DPPA5: variants seen among roughly 807,000 people sequenced by gnomAD.
DPPA5 encodes the protein developmental pluripotency-associated 5 protein.
A neutral mutation model predicts 11.3 loss-of-function variants in DPPA5; 11 were observed. The ratio of observed to expected loss-of-function variants is 0.97; its 90% CI spans 0.61 to 1.61. The LOEUF is 1.61. Among genes scored for constraint, DPPA5 ranks in the 40% most tolerant of loss-of-function variants. DPPA5 has a pLI of 0.00. For missense variants in DPPA5, 132 were observed against 151.8 expected, an observed-to-expected ratio of 0.87 and a Z score of 0.68; for synonymous variants, 53 against 59.2, an observed-to-expected ratio of 0.90 and a Z score of 0.48.
chr6:73,354,114 C>A lies in DPPA5; in HGVS notation c.112G>T (p.Gly38Cys), dbSNP rs752529165. ...GCCCGCCAGTACTGGGCACACTCAC[C>A]GAAAATGGCTTTCAGCAGCCGCGTC... ...VQTRLLKAIF[G>C]PDGSRIPYIE... The change falls in exon 1 of 3, where the codon GGC (glycine) becomes TGC (cysteine). Residue 38 changes from glycine (G) to cysteine (C), a missense_variant and splice_region_variant. Physicochemically the swap from Gly to Cys is radical, Grantham distance 159 (BLOSUM62 -3). Transcript: ENST00000370370. 13 of 1,614,144 alleles carry A rather than the reference C, an allele frequency of 8.1e-6. No individual in the cohort carries two copies. Among genetic ancestry groups the A allele is most frequent in the Middle Eastern group, 3.3e-4 (2 of 6,062 alleles).
In DPPA5 at chr6:73,353,216, C is replaced by A. The variant is rs1213414629; in HGVS notation, c.*104G>T. 1.4e-6 allele frequency: 2 copies of A among 1,440,644 alleles called. No homozygotes were observed. The highest frequency in any genetic ancestry group is 2.8e-5 in the African/African-American group (2 of 71,312). The allele number at this position is 1,440,644 out of a possible 1,614,324, so 89.2% of individuals were successfully genotyped here. On this transcript the variant is annotated 3_prime_UTR_variant, in exon 3 of 3. Transcript: ENST00000370370. ...GGGAACAAATGGTTTTCCCTTAACT[C>A]TTTAGGCTGGAGCAGATTTTAAAAC... is the stretch of plus-strand genomic sequence containing the variant.
rs1562272273 is a variant in DPPA5 at position 73,354,180 on chromosome 6, C to A, written c.46G>T (p.Val16Phe). Residue 16 changes from valine (V) to phenylalanine (F), a missense_variant, in exon 1 of 3, where the codon GTT (valine) becomes TTT (phenylalanine). Val to Phe is a conservative substitution (Grantham distance 50). Transcript: ENST00000370370. ...TCTGGATCTTTCAGGTCTTCGGGAA[C>A]TTTCACCCACGGCGGGATATGTCTA... ...ARRHIPPWVK[V>F]PEDLKDPEVF... 1.2e-6 allele frequency: 2 copies of A among 1,614,214 alleles called. No individual in the cohort carries two copies. The highest frequency in any genetic ancestry group is 2.2e-5 in the East Asian group (1 of 44,872).
intron 2 of DPPA5, 84 bp downstream of exon 2, chr6:73,353,769 G>A: frequency 1.3e-6 from 2 of 1,495,540 alleles, no homozygotes; most frequent in Non-Finnish European, 1.8e-6. Flanking sequence ...AGCAAGAGAG[G>A]AGAAAGAGGA....
rs1768737457 is a variant in DPPA5, at chr6:73,354,196, G to A, written c.30C>T (p.Ile10=). MGTLPARRH[I]PPWVKVPEDL... Reference sequence around the variant, plus strand: ...CTTCGGGAACTTTCACCCACGGCGGGATATGTCTACGTGCCGGGAGAGTTC... The same window carrying A: ...CTTCGGGAACTTTCACCCACGGCGGAATATGTCTACGTGCCGGGAGAGTTC... Residue 10 remains isoleucine (I), a synonymous_variant, in exon 1 of 3, where the codon ATC becomes ATT. Transcript: ENST00000370370. 1 of 1,614,248 alleles carries A rather than the reference G, an allele frequency of 6.2e-7. No individual in the cohort carries two copies. The highest frequency in any genetic ancestry group is 8.5e-7 in the Non-Finnish European group (1 of 1,180,046).
In DPPA5 at chr6:73,354,083, G is replaced by A. The variant is rs374024571; in HGVS notation, c.112+31C>T. 10 of 1,613,738 alleles carry A rather than the reference G, an allele frequency of 6.2e-6. No individual in the cohort carries two copies. In the African/African-American group the frequency reaches 9.3e-5, roughly 15 times the overall value. Reference sequence around the variant, plus strand: ...CCGGGCCGGCTGAGACTCCCGAGCCGGGGCAGCCCGCCAGTACTGGGCACA... The same window carrying A: ...CCGGGCCGGCTGAGACTCCCGAGCCAGGGCAGCCCGCCAGTACTGGGCACA... On this transcript the variant is annotated intron_variant, in intron 1 of 2. Coordinates refer to ENST00000370370, the MANE Select transcript of DPPA5 (RefSeq NM_001025290.3).
intron 2 of DPPA5, 76 bp downstream of exon 2, chr6:73,353,777 G>A: frequency 6.6e-7 from 1 of 1,520,440 alleles, no homozygotes; most frequent in Non-Finnish European, 8.8e-7. Flanking sequence ...AGGAGAAAGA[G>A]GAGAGGGCTG....
rs1252349128 is a variant in DPPA5, at chr6:73,354,135, G to T, written c.91C>A (p.Arg31=). 1 of 1,614,198 alleles carries T rather than the reference G, an allele frequency of 6.2e-7. No homozygotes were observed. The highest frequency in any genetic ancestry group is 8.5e-7 in the Non-Finnish European group (1 of 1,180,044). ...KDPEVFQVQT[R]LLKAIFGPDG... is the part of the protein sequence containing the mutation. ...TCACCGAAAATGGCTTTCAGCAGCC[G>T]CGTCTGGACCTGGAACACCTCTGGA... The change falls in exon 1 of 3, where the codon CGG becomes AGG. Residue 31 remains arginine, a synonymous_variant. Coordinates refer to ENST00000370370, the MANE Select transcript of DPPA5 (RefSeq NM_001025290.3).
rs375979745 is a variant in DPPA5, at chr6:73,354,276, C to T, written c.-51G>A. 2.8e-4 allele frequency: 444 copies of T among 1,586,138 alleles called. 1 individual carries two copies. The Middle Eastern group carries it at 3.0e-3, about 11-fold the overall frequency. On this transcript the variant is annotated 5_prime_UTR_variant, in exon 1 of 3. Coordinates refer to ENST00000370370, the MANE Select transcript of DPPA5 (RefSeq NM_001025290.3). Reference sequence around the variant, plus strand: ...CTCTCCAGCGCAAACCAGGCCTAATCACGCCGGCCGAGGCTCAGGGGCGAT... The same window carrying T: ...CTCTCCAGCGCAAACCAGGCCTAATTACGCCGGCCGAGGCTCAGGGGCGAT...
At position 73,353,752 on chromosome 6, in the gene DPPA5, G is replaced by C. The variant is rs1057423359; in HGVS notation, c.292+101C>G. On this transcript the variant is annotated intron_variant, in intron 2 of 2. Transcript: ENST00000370370. ...CACCCCTGGTGACGCCCAAGGTGCT[G>C]GCAGCGAGCAAGAGAGGAGAAAGAG... The C allele has an allele frequency of 1.8e-5, 26 of 1,431,098 alleles. No homozygotes were observed. The African/African-American group carries it at 2.9e-4, about 16-fold the overall frequency. 88.6% of individuals were successfully genotyped at this position (1,431,098 alleles called of 1,614,324 possible).
rs774064430 is a variant in DPPA5, at chr6:73,354,016, T to A, written c.129A>T (p.Arg43=). 6.2e-7 allele frequency: 1 copy of A among 1,613,976 alleles called. No homozygotes were observed. Among genetic ancestry groups the A allele is most frequent in the South Asian group, 1.1e-5 (1 of 91,082 alleles). ...LKAIFGPDGS[R]IPYIEQVSKA... is the part of the protein sequence containing the mutation. ...TGCTCACCTGCTCGATGTAAGGGAT[T>A]CGAGATCCGTCCGGGCCTGTTGGGG... Residue 43 remains arginine (R), a synonymous_variant, in exon 2 of 3, where the codon CGA becomes CGT. Coordinates refer to ENST00000370370, the MANE Select transcript of DPPA5 (RefSeq NM_001025290.3).
At chr6:73,353,524 G>T (rs1768721602) in intron 2 of DPPA5, 146 bp from the exon 3 acceptor site, 13 of 911,886 alleles carry the variant, frequency 1.4e-5, no homozygotes, top group Non-Finnish European at 1.8e-5. Flanking sequence ...CTTGGAACCC[G>T]AGACTACTCG....
Position 73,354,003 on chromosome 6 carries a change from C to T in DPPA5, c.142G>A (p.Glu48Lys), listed in dbSNP as rs192662793. ...TCGAGCATGGCCTTGCTCACCTGCT[C>T]GATGTAAGGGATTCGAGATCCGTCC... is the stretch of plus-strand genomic sequence containing the variant. ...GPDGSRIPYI[E>K]QVSKAMLELK... The change falls in exon 2 of 3, where the codon GAG (glutamate) becomes AAG (lysine). Residue 48 changes from glutamate to lysine, a missense_variant. Transcript: ENST00000370370. 6.2e-7 allele frequency: 1 copy of T among 1,614,024 alleles called. No individual in the cohort carries two copies. Among genetic ancestry groups the T allele is most frequent in the African/African-American group, 1.3e-5 (1 of 75,006 alleles).
Position 73,353,910 on chromosome 6 carries a change from G to C in DPPA5, c.235C>G (p.Arg79Gly). 6.2e-7 allele frequency: 1 copy of C among 1,614,094 alleles called. No individual in the cohort carries two copies. Among genetic ancestry groups the C allele is most frequent in the Non-Finnish European group, 8.5e-7 (1 of 1,179,994 alleles). Residue 79 changes from arginine to glycine, a missense_variant, in exon 2 of 3, where the codon CGG becomes GGG. By Grantham distance (125) the Arg-to-Gly change is moderately radical. Coordinates refer to ENST00000370370, the MANE Select transcript of DPPA5 (RefSeq NM_001025290.3). The part of the protein sequence containing the change: ...VVYGSYLYKL[R>G]TKWMLQSMAE... ...ATGGACTGGAGCATCCACTTGGTCC[G>C]GAGCTTGTACAAATAGGAGCCGTAA...
Position 73,353,175 on chromosome 6 carries a change from T to C in DPPA5, c.*145A>G. On this transcript the variant is annotated 3_prime_UTR_variant, in exon 3 of 3. Transcript: ENST00000370370. Reference sequence around the variant, plus strand: ...CAACAAGACTCAGAGCCAAGGGTTTTCCCTTAACTCTTTAAGGGAACAAAT... The same window carrying C: ...CAACAAGACTCAGAGCCAAGGGTTTCCCCTTAACTCTTTAAGGGAACAAAT... 1 of 858,426 alleles carries C rather than the reference T, an allele frequency of 1.2e-6. No individual in the cohort carries two copies. Among genetic ancestry groups the C allele is most frequent in the Non-Finnish European group, 1.8e-6 (1 of 542,350 alleles). The allele number at this position is 858,426 out of a possible 1,614,324, so 53.2% of individuals were successfully genotyped here. A position where few individuals can be genotyped will look rare whatever the true frequency, so the allele number is the denominator to read the frequency against.
Position 73,353,169 on chromosome 6 carries a change from G to A in DPPA5, c.*151C>T. The A allele has an allele frequency of 3.8e-6, 3 of 794,688 alleles. No individual in the cohort carries two copies. Among genetic ancestry groups the A allele is most frequent in the Middle Eastern group, 2.4e-4 (1 of 4,222 alleles). The allele number at this position is 794,688 out of a possible 1,614,324, so 49.2% of individuals were successfully genotyped here. A position where few individuals can be genotyped will look rare whatever the true frequency, so the allele number is the denominator to read the frequency against. ...TATTCACAACAAGACTCAGAGCCAA[G>A]GGTTTTCCCTTAACTCTTTAAGGGA... On this transcript the variant is annotated 3_prime_UTR_variant, in exon 3 of 3. Coordinates refer to ENST00000370370, the MANE Select transcript of DPPA5 (RefSeq NM_001025290.3).
At position 73,353,308 on chromosome 6, in the gene DPPA5, C is replaced by T. The variant is rs200196148; in HGVS notation, c.*12G>A. The T allele has an allele frequency of 5.4e-4, 875 of 1,614,112 alleles. 1 individual carries two copies. The highest frequency in any genetic ancestry group is 6.8e-4 in the Non-Finnish European group (808 of 1,180,022). The stretch of plus-strand genomic sequence containing the variant: ...CTGCAACCCGGCTTCATTGCATTGG[C>T]TGGAAACTGGTTCACTTCATCCAAG... On this transcript the variant is annotated 3_prime_UTR_variant, in exon 3 of 3. Coordinates refer to ENST00000370370, the MANE Select transcript of DPPA5 (RefSeq NM_001025290.3).
rs1188643328 is a variant in DPPA5 at position 73,354,008 on chromosome 6, T to A, written c.137A>T (p.Tyr46Phe). ...IFGPDGSRIPYIEQVSKAMLE... is the reference protein window; with the variant it reads ...IFGPDGSRIPFIEQVSKAMLE... ...CATGGCCTTGCTCACCTGCTCGATGTAAGGGATTCGAGATCCGTCCGGGCC... is the reference window on the plus strand; with the variant it reads ...CATGGCCTTGCTCACCTGCTCGATGAAAGGGATTCGAGATCCGTCCGGGCC... The change falls in exon 2 of 3, where the codon TAC becomes TTC. Residue 46 changes from tyrosine to phenylalanine, a missense_variant. Transcript: ENST00000370370. 3 of 1,613,896 alleles carry A rather than the reference T, an allele frequency of 1.9e-6. No homozygotes were observed. Among genetic ancestry groups the A allele is most frequent in the Non-Finnish European group, 2.5e-6 (3 of 1,179,968 alleles).
chr6:73,353,705 G>A, intron 2 of DPPA5, 148 bp downstream of exon 2: 1 of 1,137,014 alleles, frequency 8.8e-7, no homozygotes, highest in South Asian at 1.6e-5. Context: ...AAGGGGTCTT[G>A]GGAAGGCCCA....
At position 73,354,133 on chromosome 6, in the gene DPPA5, C is replaced by T. The variant is rs1193694708; in HGVS notation, c.93G>A (p.Arg31=). 1 of 1,614,096 alleles carries T rather than the reference C, an allele frequency of 6.2e-7. No homozygotes were observed. Among genetic ancestry groups the T allele is most frequent in the Non-Finnish European group, 8.5e-7 (1 of 1,180,044 alleles). The change falls in exon 1 of 3, where the codon CGG becomes CGA. Residue 31 remains arginine (R), a synonymous_variant. Coordinates refer to ENST00000370370, the MANE Select transcript of DPPA5 (RefSeq NM_001025290.3). ...KDPEVFQVQT[R]LLKAIFGPDG... ...ACTCACCGAAAATGGCTTTCAGCAG[C>T]CGCGTCTGGACCTGGAACACCTCTG...
Sources: allele counts gnomAD v4.1 joint callset, GRCh38; gene constraint gnomAD v4.1.1; transcripts MANE v1.5; gene names NCBI Gene and HGNC (gene_info 2026-07-23, HGNC 2026-07-21).